The following MOB1A variants were observed in gnomAD, a reference collection of about 807,000 sequenced individuals.
MOB1A encodes the protein MOB kinase activator 1A.
MOB1A carries 10 observed loss-of-function variants against 25.1 expected under a neutral mutation model. The observed-to-expected ratio is 0.40, with a 90% CI of 0.25 to 0.68. The LOEUF is 0.68. Ranked by LOEUF, MOB1A falls within the 30% of genes least tolerant of loss-of-function variation. The probability of loss-of-function intolerance (pLI) is 0.40; values close to 1 mark genes in which losing one functional copy is unlikely to be tolerated. For synonymous variants in MOB1A, 81 were observed against 79.5 expected (o/e 1.02, Z -0.10); for missense variants, 177 against 256.3 (o/e 0.69, Z 2.11).
chr2:74,160,034 C>T (rs868142503), intron 4 of MOB1A, among the ~76,000 whole-genome samples: 53 of 152,262 alleles, frequency 3.5e-4, no homozygotes, highest in African/African-American at 1.2e-3. Flanking sequence ...CCAGCCTGGT[C>T]TCGAATTCCT....
chr2:74,159,361 A>C, intron 4 of MOB1A, 107 bp from the exon 5 acceptor site: 35 of 957,638 alleles, frequency 3.7e-5, no homozygotes, highest in Non-Finnish European at 5.3e-5. Context: ...GTGCAATCTC[A>C]GCTCACTGCA....
At chr2:74,161,503 G>A (rs1558832473) in intron 4 of MOB1A, among the ~76,000 whole-genome samples, 6 of 152,174 alleles carry the variant, frequency 3.9e-5, no homozygotes, top group Admixed American at 2.0e-4. Context: ...TTAGCCAGGC[G>A]TGGTGGCGGC....
intron 2 of MOB1A, among the ~76,000 whole-genome samples, chr2:74,171,828 G>A (rs548779936): frequency 3.3e-5 from 5 of 152,100 alleles, no homozygotes; most frequent in Admixed American, 1.3e-4. Flanking sequence ...GCTTGAACCC[G>A]GGAGGTGGAG....
intron 4 of MOB1A, among the ~76,000 whole-genome samples, chr2:74,160,365 A>G (rs1692933168): frequency 1.3e-5 from 2 of 152,096 alleles, no homozygotes; most frequent in Admixed American, 6.6e-5. Flanking sequence ...CACTCTCTCA[A>G]TGAGGACTGG....
intron 4 of MOB1A, among the ~76,000 whole-genome samples, chr2:74,161,882 G>A (rs1692983945): frequency 1.3e-5 from 2 of 152,028 alleles, no homozygotes; most frequent in South Asian, 4.1e-4. Context: ...ACTTGCGCCT[G>A]GGAGGTCAAG....
chr2:74,172,514 A>C (rs530813156), intron 2 of MOB1A, 72 bp downstream of exon 2: 71 of 1,438,496 alleles, frequency 4.9e-5, no homozygotes, highest in East Asian at 3.0e-4. Flanking sequence ...TAACTGTAAA[A>C]GAAAATTCAT....
intron 3 of MOB1A, among the ~76,000 whole-genome samples, chr2:74,165,940 A>G (rs1693118655): frequency 6.6e-6 from 1 of 152,208 alleles, no homozygotes; most frequent in South Asian, 2.1e-4. Flanking sequence ...TTAACACAAT[A>G]TAAAATAAAA....
At chr2:74,158,715 G>A (rs1572953849) in intron 5 of MOB1A, among the ~76,000 whole-genome samples, 1 of 149,602 alleles carries the variant, frequency 6.7e-6, no homozygotes, top group South Asian at 2.1e-4. Context: ...GGAGGCGGAG[G>A]TTGCAGTGAG....
intron 2 of MOB1A, among the ~76,000 whole-genome samples, chr2:74,171,560 C>T (rs1283319500): frequency 6.6e-6 from 1 of 152,102 alleles, no homozygotes; most frequent in Non-Finnish European, 1.5e-5. Context: ...GAATGAATAC[C>T]TGGAATTCAC....
intron 4 of MOB1A, 138 bp downstream of exon 4, chr2:74,165,080 G>C (rs533308734): frequency 9.7e-6 from 5 of 513,556 alleles, no homozygotes; most frequent in Middle Eastern, 5.4e-4. Flanking sequence ...AGCACTGTGG[G>C]AGGCCAAGGC....
intron 4 of MOB1A, among the ~76,000 whole-genome samples, chr2:74,160,596 G>C (rs1692939326): frequency 6.6e-6 from 1 of 152,082 alleles, no homozygotes; most frequent in Non-Finnish European, 1.5e-5. Context: ...AGCTACTCGG[G>C]AGGCTGAGGC....
chr2:74,156,409 C>A lies in MOB1A; in HGVS notation c.*159G>T. On this transcript the variant is annotated 3_prime_UTR_variant, in exon 6 of 6. Coordinates refer to ENST00000396049, the MANE Select transcript of MOB1A (RefSeq NM_018221.5). ...AAGGTCTTACTCGGAAACTATCACA[C>A]CAACCTACCTTTGGGATAATTTTAT... is the stretch of plus-strand genomic sequence containing the variant. 1.5e-6 allele frequency: 1 copy of A among 666,868 alleles called. No individual in the cohort carries two copies. The highest frequency in any genetic ancestry group is 2.6e-6 in the Non-Finnish European group (1 of 380,568). The allele number at this position is 666,868 out of a possible 1,614,324, so 41.3% of individuals were successfully genotyped here. A position where few individuals can be genotyped will look rare whatever the true frequency, so the allele number is the denominator to read the frequency against.
chr2:74,168,731 T>C (rs1693201342), intron 2 of MOB1A, among the ~76,000 whole-genome samples: 1 of 152,242 alleles, frequency 6.6e-6, no homozygotes, highest in African/African-American at 2.4e-5. Flanking sequence ...AATAGATTTT[T>C]TTAAAATGCT....
At chr2:74,161,910 C>A (rs1692984993) in intron 4 of MOB1A, among the ~76,000 whole-genome samples, 1 of 150,198 alleles carries the variant, frequency 6.7e-6, no homozygotes, top group Non-Finnish European at 1.5e-5. Context: ...TGAGCTGTAA[C>A]TGCACCACTG....
chr2:74,169,402 T>G (rs1338516909), intron 2 of MOB1A, among the ~76,000 whole-genome samples: 1 of 152,034 alleles, frequency 6.6e-6, no homozygotes, highest in East Asian at 1.9e-4. Context: ...CTCTGGAGAC[T>G]GAGGTGGGAG....
At chr2:74,174,106 A>C (rs1399378941) in intron 1 of MOB1A, among the ~76,000 whole-genome samples, 1 of 138,648 alleles carries the variant, frequency 7.2e-6, no homozygotes. Flanking sequence ...TCTCCACTAA[A>C]AAACAAGTAC....
chr2:74,165,051 G>A (rs1044605717), intron 4 of MOB1A, 167 bp downstream of exon 4: 15 of 392,658 alleles, frequency 3.8e-5, no homozygotes, highest in Non-Finnish European at 6.2e-5. Context: ...TGGATACGGT[G>A]GCTCAAACCT....
At chr2:74,161,118 G>A (rs1283696695) in intron 4 of MOB1A, among the ~76,000 whole-genome samples, 8 of 152,160 alleles carry the variant, frequency 5.3e-5, no homozygotes, top group Non-Finnish European at 1.0e-4. Context: ...GTTCCACAAC[G>A]CTACTCTTGA....
intron 4 of MOB1A, chr2:74,164,976 G>A (rs1461324261): frequency 4.5e-6 from 1 of 223,922 alleles, no homozygotes; most frequent in African/African-American, 2.3e-5. Flanking sequence ...AGGAGAATTT[G>A]GCAGTCTCTA....
Sources: allele counts gnomAD v4.1 joint callset (sites outside exome capture counted in the v4.1 genomes callset), GRCh38; gene constraint gnomAD v4.1.1; transcripts MANE v1.5; gene names NCBI Gene and HGNC (gene_info 2026-07-23, HGNC 2026-07-21).